Variants in FTCDNL1 observed in about 807,000 individuals in gnomAD.
The protein encoded by FTCDNL1 is formiminotransferase cyclodeaminase N-terminal like.
Under a neutral mutation model 5.9 loss-of-function variants are expected in FTCDNL1, and 11 were observed. That is an observed-to-expected ratio of 1.87 (90% confidence interval 1.18 to 3.10). The LOEUF is 3.10. FTCDNL1 is among the 30% of genes most tolerant of loss of function. The probability of loss-of-function intolerance (pLI) is 0.00; values close to 1 mark genes in which losing one functional copy is unlikely to be tolerated. For missense variants in FTCDNL1, 115 were observed against 65.5 expected (o/e 1.76, Z -2.61); for synonymous variants, 58 against 24.8 (o/e 2.34, Z -3.99).
rs191127766 is a variant in FTCDNL1, at chr2:199,845,426, C to A, written c.211+649G>T. Among the ~76,000 whole-genome samples the A allele has an allele frequency of 1.7e-3, 254 of 152,108 alleles. 2 individuals carry two copies. The highest frequency in any genetic ancestry group is 6.0e-3 in the African/African-American group (247 of 41,492). ...TACTGAAAACAATATAAAAAGTTAG[C>A]CAGGTATGGTGGTGTGTGCCTGTAA... On this transcript the variant is annotated intron_variant, in intron 3 of 4. Transcript: ENST00000420128.
chr2:199,731,425 G>A, the FTCDNL1 span, among the ~76,000 whole-genome samples: 1 of 152,102 alleles, frequency 6.6e-6, no homozygotes, highest in Non-Finnish European at 1.5e-5. Context: ...TATTTCCAAG[G>A]AAAGACAGTT....
At chr2:199,738,752 G>A in the FTCDNL1 span, among the ~76,000 whole-genome samples, 1 of 152,168 alleles carries the variant, frequency 6.6e-6, no homozygotes, top group East Asian at 1.9e-4. Flanking sequence ...AACTATCAAT[G>A]ATGGTAAAGA....
chr2:199,787,340 G>A (rs1274390373), intron 3 of FTCDNL1, among the ~76,000 whole-genome samples: 4 of 151,802 alleles, frequency 2.6e-5, no homozygotes, highest in South Asian at 2.1e-4. Flanking sequence ...ACACTACCAC[G>A]CCCAGCTAAT....
intron 3 of FTCDNL1, among the ~76,000 whole-genome samples, chr2:199,841,617 T>G (rs139467892): frequency 4.7e-4 from 71 of 152,262 alleles, no homozygotes; most frequent in African/African-American, 1.6e-3. Flanking sequence ...ATTATTATTT[T>G]ACCTCTGCCA....
At chr2:199,728,632 C>G in the FTCDNL1 span, among the ~76,000 whole-genome samples, 1 of 152,078 alleles carries the variant, frequency 6.6e-6, no homozygotes, top group Non-Finnish European at 1.5e-5. Flanking sequence ...GCTCTTTAGA[C>G]AATGCAAAGT....
chr2:199,669,527 T>C, the FTCDNL1 span, among the ~76,000 whole-genome samples: 1 of 152,188 alleles, frequency 6.6e-6, no homozygotes, highest in Non-Finnish European at 1.5e-5. Context: ...CATTTCAGGT[T>C]CAGGAAACCC....
chr2:199,824,991 A>G (rs1471311890), intron 3 of FTCDNL1, among the ~76,000 whole-genome samples: 1 of 151,988 alleles, frequency 6.6e-6, no homozygotes, highest in Non-Finnish European at 1.5e-5. Flanking sequence ...TACAAAAATT[A>G]GCCTGGCATG....
intron 1 of FTCDNL1, among the ~76,000 whole-genome samples, chr2:199,850,163 C>T (rs2076837400): frequency 1.3e-5 from 2 of 152,190 alleles, no homozygotes; most frequent in South Asian, 2.1e-4. Context: ...ATATCATGTC[C>T]ATCATCTCAT....
chr2:199,842,632 T>C (rs1029429029), intron 3 of FTCDNL1, among the ~76,000 whole-genome samples: 1 of 152,214 alleles, frequency 6.6e-6, no homozygotes, highest in Non-Finnish European at 1.5e-5. Context: ...TGGACCCACC[T>C]TAAGAACCTC....
At chr2:199,806,429 C>T (rs972582873), downstream of FTCDNL1, among the ~76,000 whole-genome samples, 4 of 152,174 alleles carry the variant, frequency 2.6e-5, no homozygotes, top group African/African-American at 7.2e-5. Context: ...GAGATCCTCA[C>T]ATTCCCACAG....
At chr2:199,691,419 C>T in the FTCDNL1 span, among the ~76,000 whole-genome samples, 3 of 151,796 alleles carry the variant, frequency 2.0e-5, no homozygotes, top group African/African-American at 2.4e-5. Context: ...GTAATCTGCC[C>T]GAAAGGTGGC....
At chr2:199,725,328 C>G in the FTCDNL1 span, among the ~76,000 whole-genome samples, 24 of 152,142 alleles carry the variant, frequency 1.6e-4, no homozygotes, top group African/African-American at 5.8e-4. Flanking sequence ...GGTCTTGACT[C>G]TAATTTATCC....
intron 3 of FTCDNL1, among the ~76,000 whole-genome samples, chr2:199,802,041 C>A (rs1311763075): frequency 3.9e-5 from 6 of 152,104 alleles, no homozygotes; most frequent in African/African-American, 1.4e-4. Flanking sequence ...GCACAGGTTG[C>A]AAGCTCATGA....
At chr2:199,847,587 T>G (rs749726242) in intron 2 of FTCDNL1, among the ~76,000 whole-genome samples, 11 of 152,230 alleles carry the variant, frequency 7.2e-5, no homozygotes, top group Non-Finnish European at 1.3e-4. Context: ...GCTGTCAGTG[T>G]GAATCTCAGC....
At chr2:199,758,661 AC>A (rs907700005), downstream of FTCDNL1, among the ~76,000 whole-genome samples, 40 of 152,296 alleles carry the variant, frequency 2.6e-4, no homozygotes, top group African/African-American at 9.4e-4. Context: ...ATGCATTGAT[AC>A]CCATAACAGC....
At chr2:199,714,936 C>A in the FTCDNL1 span, among the ~76,000 whole-genome samples, 1 of 128,582 alleles carries the variant, frequency 7.8e-6, no homozygotes, top group East Asian at 2.4e-4. Flanking sequence ...CACACCGGGG[C>A]CTGTTGTGGG....
At chr2:199,742,845 A>G in the FTCDNL1 span, among the ~76,000 whole-genome samples, 7 of 152,212 alleles carry the variant, frequency 4.6e-5, no homozygotes, top group South Asian at 1.4e-3. Context: ...CCAATTCACA[A>G]AGGAGGAGGA....
At chr2:199,699,393 G>A in the FTCDNL1 span, among the ~76,000 whole-genome samples, 1 of 152,216 alleles carries the variant, frequency 6.6e-6, no homozygotes, top group East Asian at 1.9e-4. Flanking sequence ...GTTTGAGGCT[G>A]AAGTGAGCTG....
chr2:199,754,907 C>T, the FTCDNL1 span, among the ~76,000 whole-genome samples: 1 of 152,182 alleles, frequency 6.6e-6, no homozygotes, highest in South Asian at 2.1e-4. Context: ...ACAGTTTAAA[C>T]ACTTTTAGCG....
Sources: gnomAD v4.1 joint callset for allele counts (sites outside exome capture counted in the v4.1 genomes callset) on GRCh38, gnomAD v4.1.1 for gene constraint, MANE v1.5 for transcripts, NCBI Gene and HGNC (gene_info 2026-07-23, HGNC 2026-07-21) for gene names.